Variants in LDLRAD4 observed in about 807,000 individuals in gnomAD.
The protein encoded by LDLRAD4 is low-density lipoprotein receptor class A domain-containing protein 4.
Under a neutral mutation model 17.0 loss-of-function variants are expected in LDLRAD4, and 5 were observed. That is an observed-to-expected ratio of 0.29 (90% confidence interval 0.15 to 0.62). LDLRAD4 has a LOEUF of 0.62. Ranked by LOEUF, LDLRAD4 falls within the 20% of genes least tolerant of loss-of-function variation. The pLI is 0.84. For missense variants in LDLRAD4, 340 were observed against 424.7 expected (o/e 0.80, Z 1.75); for synonymous variants, 168 against 171.8 (o/e 0.98, Z 0.17).
At chr18:13,612,211 C>T (rs969728987) in intron 3 of LDLRAD4, 3 of 989,096 alleles carry the variant, frequency 3.0e-6, no homozygotes, top group Non-Finnish European at 3.6e-6. Context: ...CGCAGTGTGA[C>T]AAGATGAGCC....
At chr18:13,580,494 A>T (rs1298680763) in intron 3 of LDLRAD4, among the ~76,000 whole-genome samples, 4 of 152,226 alleles carry the variant, frequency 2.6e-5, no homozygotes, top group African/African-American at 9.6e-5. Flanking sequence ...CTGATGCTTG[A>T]TGAGTGTCGG....
chr18:13,548,521 G>A (rs1333771997), intron 3 of LDLRAD4, among the ~76,000 whole-genome samples: 1 of 152,226 alleles, frequency 6.6e-6, no homozygotes, highest in Non-Finnish European at 1.5e-5. Context: ...GTGCACACCT[G>A]GTCAGGTCGT....
At chr18:13,471,094 TTAG>T (rs2092760022) in intron 3 of LDLRAD4, 1 of 152,190 alleles carries the variant, frequency 6.6e-6, no homozygotes, top group Non-Finnish European at 1.5e-5. Flanking sequence ...GATGTCATAA[TTAG>T]TAGGCAGCAC....
At chr18:13,511,859 A>C (rs1568279491) in intron 3 of LDLRAD4, among the ~76,000 whole-genome samples, 2 of 152,230 alleles carry the variant, frequency 1.3e-5, no homozygotes, top group Non-Finnish European at 2.9e-5. Flanking sequence ...CTGTTTGCTC[A>C]GCTTAATGCC....
At chr18:13,304,513 C>T (rs527580452) in intron 1 of LDLRAD4, among the ~76,000 whole-genome samples, 1 of 152,238 alleles carries the variant, frequency 6.6e-6, no homozygotes, top group African/African-American at 2.4e-5. Flanking sequence ...GCTGTCGCAG[C>T]ACAGGCTGTG....
intron 1 of LDLRAD4, among the ~76,000 whole-genome samples, chr18:13,227,710 A>T (rs555052918): frequency 1.4e-4 from 22 of 152,328 alleles, no homozygotes; most frequent in African/African-American, 5.3e-4. Flanking sequence ...GTCCTACTTC[A>T]CTTGGCAGCA....
chr18:13,533,014 C>T (rs2094151608), intron 3 of LDLRAD4, among the ~76,000 whole-genome samples: 1 of 152,214 alleles, frequency 6.6e-6, no homozygotes, highest in Admixed American at 6.5e-5. Context: ...AAATAGTGTG[C>T]CAGTGTTTTC....
intron 2 of LDLRAD4, among the ~76,000 whole-genome samples, chr18:13,422,011 G>A (rs926684286): frequency 2.6e-5 from 4 of 152,196 alleles, no homozygotes; most frequent in Non-Finnish European, 4.4e-5. Flanking sequence ...CACCAGTTAC[G>A]GAACTCCCCC....
intron 1 of LDLRAD4, among the ~76,000 whole-genome samples, chr18:13,260,529 C>G (rs1451409596): frequency 6.6e-6 from 1 of 152,188 alleles, no homozygotes; most frequent in Non-Finnish European, 1.5e-5. Context: ...AAAATTTGCT[C>G]CCGTTCAGGG....
chr18:13,504,287 G>A (rs1231411148), intron 3 of LDLRAD4, among the ~76,000 whole-genome samples: 1 of 152,238 alleles, frequency 6.6e-6, no homozygotes, highest in African/African-American at 2.4e-5. Context: ...CCGGTTCACA[G>A]GTGTGGCATT....
chr18:13,438,326 C>G, exon 3 of LDLRAD4: 1 of 1,613,964 alleles, frequency 6.2e-7, no homozygotes. Flanking sequence ...GTGGGGACAA[C>G]AGTGACGAAG....
At chr18:13,227,050 T>TGCAGACAGAAAATTCATGATGG (rs1474212385) in intron 1 of LDLRAD4, among the ~76,000 whole-genome samples, 1 of 152,194 alleles carries the variant, frequency 6.6e-6, no homozygotes, top group Admixed American at 6.5e-5. Flanking sequence ...CCCCTAAGGA[T>TGCAGACAGAAAATTCATGATGG]GCAGACAGAA....
chr18:13,521,487 A>G (rs1024202495), intron 3 of LDLRAD4: 2 of 152,144 alleles, frequency 1.3e-5, no homozygotes, highest in Non-Finnish European at 2.9e-5. Context: ...TGCCTTATTA[A>G]TGTCCTCTCT....
At chr18:13,499,483 G>A (rs530373473) in intron 3 of LDLRAD4, among the ~76,000 whole-genome samples, 119 of 148,790 alleles carry the variant, frequency 8.0e-4, no homozygotes, top group Non-Finnish European at 1.5e-3. Context: ...ACGTCCCGCC[G>A]TGGATACTGG....
chr18:13,632,996 C>T (rs1284432), intron 4 of LDLRAD4, among the ~76,000 whole-genome samples: 34,658 of 150,396 alleles, frequency 0.23, 6,250 homozygotes, highest in East Asian at 0.56. Flanking sequence ...GTCATCCTGA[C>T]GTCTGTCCAG....
intron 3 of LDLRAD4, among the ~76,000 whole-genome samples, chr18:13,447,613 T>G (rs1054850500): frequency 1.3e-5 from 2 of 152,242 alleles, no homozygotes; most frequent in Non-Finnish European, 2.9e-5. Context: ...CCACTTCAGA[T>G]GAAATTTATC....
intron 3 of LDLRAD4, among the ~76,000 whole-genome samples, chr18:13,578,169 G>A (rs1320198641): frequency 2.0e-5 from 3 of 152,144 alleles, no homozygotes; most frequent in South Asian, 4.1e-4. Context: ...TGTAGTTACG[G>A]GGTTTGCAGA....
chr18:13,323,584 C>T (rs1410352170), intron 1 of LDLRAD4, among the ~76,000 whole-genome samples: 1 of 152,154 alleles, frequency 6.6e-6, no homozygotes, highest in African/African-American at 2.4e-5. Context: ...ACAAAACACC[C>T]CTCAGTAACT....
At chr18:13,503,832 T>C (rs375937699) in intron 3 of LDLRAD4, among the ~76,000 whole-genome samples, 198 of 151,684 alleles carry the variant, frequency 1.3e-3, no homozygotes, top group African/African-American at 4.4e-3. Context: ...TCAAAAGAAA[T>C]AATTATGAGA....
Sources: gnomAD v4.1 joint callset for allele counts (sites outside exome capture counted in the v4.1 genomes callset) on GRCh38, gnomAD v4.1.1 for gene constraint, MANE v1.5 for transcripts, NCBI Gene and HGNC (gene_info 2026-07-23, HGNC 2026-07-21) for gene names.